The following PXDNL variants were observed in gnomAD, a reference collection of about 807,000 sequenced individuals.
PXDNL encodes the protein probable oxidoreductase PXDNL.
In PXDNL, 145 loss-of-function variants were observed where a neutral mutation model predicts 150.8. That is an observed-to-expected ratio of 0.96 (90% CI 0.84 to 1.10). The LOEUF is 1.10. Among genes scored for constraint, PXDNL ranks in the 50% least tolerant of loss-of-function variants. The pLI, the probability that PXDNL is intolerant of heterozygous loss-of-function variation, is 0.00. For missense variants in PXDNL, 2,087 were observed against 1,873.9 expected (o/e 1.11, Z -2.10); for synonymous variants, 757 against 725.7 (o/e 1.04, Z -0.69).
At chr8:51,699,697 G>A (rs148086178) in intron 1 of PXDNL, among the ~76,000 whole-genome samples, 2 of 152,256 alleles carry the variant, frequency 1.3e-5, no homozygotes, top group East Asian at 3.9e-4. Context: ...TTAATTTAAG[G>A]TGAGAGACAT....
chr8:51,519,251 C>T (rs1487175051), intron 4 of PXDNL, among the ~76,000 whole-genome samples: 1 of 151,980 alleles, frequency 6.6e-6, no homozygotes, highest in Non-Finnish European at 1.5e-5. Context: ...TCAAGAATTT[C>T]CTGAAGAAGG....
chr8:51,407,836 T>C (rs1333167694), intron 17 of PXDNL, among the ~76,000 whole-genome samples: 4 of 152,090 alleles, frequency 2.6e-5, no homozygotes, highest in South Asian at 2.1e-4. Context: ...TGCAAGTTAA[T>C]AGGAGGCAGC....
At chr8:51,638,333 C>G (rs1056703379) in intron 2 of PXDNL, among the ~76,000 whole-genome samples, 1 of 152,280 alleles carries the variant, frequency 6.6e-6, no homozygotes, top group African/African-American at 2.4e-5. Flanking sequence ...ATGACAGGAT[C>G]AAATTCACAC....
intron 2 of PXDNL, among the ~76,000 whole-genome samples, chr8:51,631,598 T>C (rs1229800671): frequency 6.6e-6 from 1 of 152,062 alleles, no homozygotes; most frequent in Non-Finnish European, 1.5e-5. Flanking sequence ...GAAGTGAAAA[T>C]ATCCAGTAGA....
chr8:51,470,063 T>C (rs554817639), intron 8 of PXDNL, among the ~76,000 whole-genome samples: 4 of 152,138 alleles, frequency 2.6e-5, no homozygotes, highest in Non-Finnish European at 5.9e-5. Context: ...TTCTAAATAC[T>C]AGTGAGTATC....
chr8:51,508,643 C>A (rs1416857087), intron 4 of PXDNL, among the ~76,000 whole-genome samples: 5 of 152,162 alleles, frequency 3.3e-5, no homozygotes, highest in Admixed American at 2.0e-4. Context: ...CAGCCAAACT[C>A]AACAGCATCC....
Position 51,426,585 on chromosome 8 carries a change from C to A in PXDNL, c.1638+61G>T, listed in dbSNP as rs1030407673. Reference sequence around the variant, plus strand: ...AATATGAGAATCATTACCTCCATTTCAGTGGGTCGATACATCTGTCAGTGT... The same window carrying A: ...AATATGAGAATCATTACCTCCATTTAAGTGGGTCGATACATCTGTCAGTGT... On this transcript the variant is annotated intron_variant, in intron 13 of 22. Transcript: ENST00000356297. 4 of 914,044 alleles carry A rather than the reference C, an allele frequency of 4.4e-6. No individual in the cohort carries two copies. In the African/African-American group the frequency reaches 5.0e-5, roughly 11 times the overall value. The allele number at this position is 914,044 out of a possible 1,614,324, so 56.6% of individuals were successfully genotyped here.
chr8:51,741,367 C>T (rs1393301700), intron 1 of PXDNL, among the ~76,000 whole-genome samples: 1 of 152,112 alleles, frequency 6.6e-6, no homozygotes, highest in African/African-American at 2.4e-5. Context: ...ATATTGGGTG[C>T]ATATATATTT....
chr8:51,740,918 T>C (rs2036900991), intron 1 of PXDNL, among the ~76,000 whole-genome samples: 1 of 152,220 alleles, frequency 6.6e-6, no homozygotes, highest in African/African-American at 2.4e-5. Flanking sequence ...GGCCTGAAGT[T>C]TCCTTCTTTT....
intron 1 of PXDNL, among the ~76,000 whole-genome samples, chr8:51,752,641 C>G (rs1253817614): frequency 3.7e-5 from 5 of 135,262 alleles, no homozygotes; most frequent in Non-Finnish European, 7.9e-5. Flanking sequence ...TTTGGGTATG[C>G]CCCCACCTGC....
At chr8:51,402,932 CACACAA>C (rs931152145) in intron 17 of PXDNL, among the ~76,000 whole-genome samples, 5 of 104,660 alleles carry the variant, frequency 4.8e-5, no homozygotes, top group Admixed American at 1.0e-4. Flanking sequence ...CACACACACA[CACACAA>C]AATTAGCCGG....
At chr8:51,726,482 A>G (rs1455704872) in intron 1 of PXDNL, among the ~76,000 whole-genome samples, 1 of 152,224 alleles carries the variant, frequency 6.6e-6, no homozygotes, top group Non-Finnish European at 1.5e-5. Flanking sequence ...ACCGCCTGGG[A>G]CCAGAAAAAC....
intron 1 of PXDNL, among the ~76,000 whole-genome samples, chr8:51,670,855 A>G (rs1402234745): frequency 1.3e-5 from 2 of 152,192 alleles, no homozygotes; most frequent in African/African-American, 4.8e-5. Context: ...GGCAAATTTA[A>G]CAATTATGTA....
chr8:51,356,048 A>G (rs1260140755), intron 19 of PXDNL, among the ~76,000 whole-genome samples: 1 of 152,246 alleles, frequency 6.6e-6, no homozygotes, highest in Non-Finnish European at 1.5e-5. Flanking sequence ...GGGGAGTCTG[A>G]GCTCTATCCC....
chr8:51,327,359 T>C (rs1805532458), intron 21 of PXDNL, among the ~76,000 whole-genome samples: 3 of 152,216 alleles, frequency 2.0e-5, no homozygotes, highest in Admixed American at 6.5e-5. Context: ...TCTTCTTCAG[T>C]GATGGCCCTG....
At chr8:51,744,885 AGAAGGAAGGAAAGAAGGAAGGAAG>A (rs1460605925) in intron 1 of PXDNL, among the ~76,000 whole-genome samples, 8 of 148,378 alleles carry the variant, frequency 5.4e-5, no homozygotes, top group Admixed American at 5.4e-4. Flanking sequence ...AAAGAGAAAG[AGAAGGAAGGAAAGAAGGAAGGAAG>A]GAAGGAAGGA....
At chr8:51,604,022 C>G (rs1813785449) in intron 2 of PXDNL, among the ~76,000 whole-genome samples, 1 of 152,060 alleles carries the variant, frequency 6.6e-6, no homozygotes, top group African/African-American at 2.4e-5. Flanking sequence ...ATACTGTCAA[C>G]ATATTATAAT....
At position 51,439,737 on chromosome 8, in the gene PXDNL, A is replaced by G. The variant is rs143658855; in HGVS notation, c.1525+7267T>C. Among the ~76,000 whole-genome samples the G allele has an allele frequency of 8.9e-3, 1,317 of 147,452 alleles. 58 individuals are homozygous for G. Among genetic ancestry groups the G allele is most frequent in the Admixed American group, 0.075 (1,075 of 14,334 alleles). On this transcript the variant is annotated intron_variant, in intron 12 of 22. Transcript: ENST00000356297. ...CTACTTGGGAGGCTGAGGCAGGAGA[A>G]TTGCTTGAACCCTGGAGGCAGAGGT...
chr8:51,753,669 G>T (rs2037069625), intron 1 of PXDNL, among the ~76,000 whole-genome samples: 1 of 152,188 alleles, frequency 6.6e-6, no homozygotes, highest in African/African-American at 2.4e-5. Context: ...TTCAGCTGAG[G>T]TCATATTGGG....
Sources: gnomAD v4.1 joint callset for allele counts (sites outside exome capture counted in the v4.1 genomes callset) on GRCh38, gnomAD v4.1.1 for gene constraint, MANE v1.5 for transcripts, NCBI Gene and HGNC (gene_info 2026-07-23, HGNC 2026-07-21) for gene names.